ZNF385D: variants seen among roughly 807,000 people sequenced by gnomAD.
ZNF385D encodes the protein zinc finger protein 659.
In ZNF385D, 15 loss-of-function variants were observed where a neutral mutation model predicts 35.8. The ratio of observed to expected loss-of-function variants is 0.42; its 90% confidence interval spans 0.28 to 0.64. ZNF385D has a LOEUF of 0.64. Ranked by LOEUF, ZNF385D falls within the 30% of genes least tolerant of loss-of-function variation. The pLI is 0.23. For synonymous variants in ZNF385D, 212 were observed against 186.8 expected (o/e 1.13, Z -1.10); for missense variants, 474 against 494.6 (o/e 0.96, Z 0.39).
At chr3:22,173,652 A>T (rs1694618924) in intron 2 of ZNF385D, among the ~76,000 whole-genome samples, 3 of 152,160 alleles carry the variant, frequency 2.0e-5, no homozygotes, top group Admixed American at 2.0e-4. Flanking sequence ...TGATTTGAAG[A>T]ATGAGGGAAA....
At chr3:21,515,244 C>T (rs566020228) in intron 3 of ZNF385D, among the ~76,000 whole-genome samples, 1 of 152,142 alleles carries the variant, frequency 6.6e-6, no homozygotes, top group South Asian at 2.1e-4. Flanking sequence ...TTGTTATTGC[C>T]CTATAAAATT....
chr3:22,188,380 AAC>A (rs1426784843), intron 2 of ZNF385D, among the ~76,000 whole-genome samples: 1 of 152,184 alleles, frequency 6.6e-6, no homozygotes, highest in Non-Finnish European at 1.5e-5. Context: ...CATTGAAAGA[AAC>A]ACACTGATTC....
chr3:22,255,557 A>G (rs901008195), intron 2 of ZNF385D, among the ~76,000 whole-genome samples: 1 of 151,866 alleles, frequency 6.6e-6, no homozygotes, highest in Non-Finnish European at 1.5e-5. Context: ...AAAGACTTGT[A>G]AAGTTTTTAA....
chr3:21,942,939 T>G (rs1301638834), intron 3 of ZNF385D, among the ~76,000 whole-genome samples: 1 of 152,180 alleles, frequency 6.6e-6, no homozygotes, highest in Non-Finnish European at 1.5e-5. Context: ...TTATTTTGCC[T>G]TGTAAGATGT....
At chr3:21,714,089 A>C (rs1414432588) in intron 1 of ZNF385D, among the ~76,000 whole-genome samples, 2 of 152,320 alleles carry the variant, frequency 1.3e-5, no homozygotes, top group African/African-American at 2.4e-5. Flanking sequence ...TTCTGCTTAA[A>C]TTTAAATCTG....
chr3:21,808,670 C>G (rs1007996252), intron 3 of ZNF385D, among the ~76,000 whole-genome samples: 1 of 152,212 alleles, frequency 6.6e-6, no homozygotes, highest in African/African-American at 2.4e-5. Context: ...GGCAAATCAC[C>G]TCTTTTCCCA....
intron 3 of ZNF385D, among the ~76,000 whole-genome samples, chr3:21,853,241 A>C (rs1236286298): frequency 6.6e-6 from 1 of 151,878 alleles, no homozygotes; most frequent in Non-Finnish European, 1.5e-5. Flanking sequence ...TATTGTTGGC[A>C]AGAGTGCCTA....
At chr3:21,860,776 T>G (rs1185167942) in intron 3 of ZNF385D, among the ~76,000 whole-genome samples, 1 of 152,180 alleles carries the variant, frequency 6.6e-6, no homozygotes, top group East Asian at 1.9e-4. Context: ...GGCTTTCTGC[T>G]GCTCCAGGGA....
At chr3:22,045,276 C>A (rs1216851425) in intron 3 of ZNF385D, among the ~76,000 whole-genome samples, 1 of 151,678 alleles carries the variant, frequency 6.6e-6, no homozygotes, top group Non-Finnish European at 1.5e-5. Context: ...CAATGGGGTG[C>A]AATATAGGGA....
chr3:22,174,475 G>A (rs937658810), intron 2 of ZNF385D, among the ~76,000 whole-genome samples: 31 of 152,216 alleles, frequency 2.0e-4, no homozygotes, highest in African/African-American at 6.7e-4. Context: ...AAAGTCATAC[G>A]ACTCTAAATG....
intron 3 of ZNF385D, among the ~76,000 whole-genome samples, chr3:21,766,252 A>G (rs2070825546): frequency 6.6e-6 from 1 of 152,126 alleles, no homozygotes; most frequent in Admixed American, 6.6e-5. Context: ...ATTTACATAG[A>G]AAGATGAGAG....
chr3:21,847,552 T>C (rs1696089956), intron 3 of ZNF385D, among the ~76,000 whole-genome samples: 1 of 152,084 alleles, frequency 6.6e-6, no homozygotes, highest in South Asian at 2.1e-4. Context: ...AGAGGGGAAT[T>C]AAATAATTAC....
intron 2 of ZNF385D, among the ~76,000 whole-genome samples, chr3:21,610,885 T>A (rs1209240348): frequency 2.0e-5 from 3 of 152,272 alleles, no homozygotes; most frequent in South Asian, 2.1e-4. Flanking sequence ...GATATCAGCC[T>A]GGAATGTGGT....
intron 3 of ZNF385D, among the ~76,000 whole-genome samples, chr3:21,935,464 T>G (rs576367276): frequency 5.9e-5 from 9 of 152,278 alleles, no homozygotes; most frequent in African/African-American, 2.2e-4. Context: ...GAACACAAAC[T>G]GGCAAGTGGG....
chr3:22,308,190 A>C (rs1703339824), intron 2 of ZNF385D, among the ~76,000 whole-genome samples: 1 of 152,094 alleles, frequency 6.6e-6, no homozygotes, highest in South Asian at 2.1e-4. Context: ...AAAATGCTGA[A>C]ACAATTATTA....
intron 3 of ZNF385D, among the ~76,000 whole-genome samples, chr3:21,855,409 A>C (rs1265171584): frequency 6.6e-6 from 1 of 152,010 alleles, no homozygotes; most frequent in Non-Finnish European, 1.5e-5. Flanking sequence ...CTCTTCATGG[A>C]GATAAGGTAT....
chr3:21,769,376 C>T (rs1341275413), intron 3 of ZNF385D, among the ~76,000 whole-genome samples: 1 of 118,340 alleles, frequency 8.5e-6, no homozygotes, highest in Non-Finnish European at 1.7e-5. Context: ...CGATAAGCAA[C>T]TTCGGCAAAG....
rs1444059648 is a variant in ZNF385D, at chr3:21,418,460, T to G, written c.*2754A>C. ...GCTTCATCCTTTATTAGGTAGTGAA[T>G]AAAAGACAACTGATGCTTACAACTC... On this transcript the variant is annotated 3_prime_UTR_variant, in exon 8 of 8. Coordinates refer to ENST00000281523, the MANE Select transcript of ZNF385D (RefSeq NM_024697.3). 6.6e-6 allele frequency: 1 copy of G among 152,158 alleles called. No homozygotes were observed. Among genetic ancestry groups the G allele is most frequent in the East Asian group, 1.9e-4 (1 of 5,202 alleles). The allele number at this position is 152,158 out of a possible 1,614,324, so 9.4% of individuals were successfully genotyped here. A position where few individuals can be genotyped will look rare whatever the true frequency, so the allele number is the denominator to read the frequency against.
At chr3:21,764,985 T>C (rs532878197) in intron 3 of ZNF385D, among the ~76,000 whole-genome samples, 25 of 152,158 alleles carry the variant, frequency 1.6e-4, no homozygotes, top group Non-Finnish European at 2.8e-4. Context: ...TTGAGACGTA[T>C]CCTTAGACTG....
Sources: allele counts gnomAD v4.1 joint callset (sites outside exome capture counted in the v4.1 genomes callset), GRCh38; gene constraint gnomAD v4.1.1; transcripts MANE v1.5; gene names NCBI Gene and HGNC (gene_info 2026-07-23, HGNC 2026-07-21).